Variants in FOXN2 observed in about 807,000 individuals in gnomAD.
FOXN2 encodes forkhead box protein N2.
FOXN2 carries 19 observed loss-of-function variants against 41.2 expected under a neutral mutation model. That is an observed-to-expected ratio of 0.46 (90% CI 0.32 to 0.68). FOXN2 has a LOEUF of 0.68. Among genes scored for constraint, FOXN2 ranks in the 30% least tolerant of loss-of-function variants. FOXN2 has a pLI of 0.03. For synonymous variants in FOXN2, 195 were observed against 176.8 expected, an observed-to-expected ratio of 1.10 and a Z score of -0.82; for missense variants, 587 against 509.4, an observed-to-expected ratio of 1.15 and a Z score of -1.47.
intron 1 of FOXN2, among the ~76,000 whole-genome samples, chr2:48,318,790 TC>T (rs907643828): frequency 6.6e-6 from 1 of 152,200 alleles, no homozygotes; most frequent in African/African-American, 2.4e-5. Flanking sequence ...GATTTAAGTA[TC>T]ACATAGGATG....
intron 6 of FOXN2, among the ~76,000 whole-genome samples, chr2:48,374,518 TC>T (rs1673105721): frequency 6.6e-6 from 1 of 152,170 alleles, no homozygotes; most frequent in African/African-American, 2.4e-5. Flanking sequence ...AGCAATTTTT[TC>T]ATATCTCTTT....
chr2:48,371,457 A>AT (rs1672890029), intron 5 of FOXN2, among the ~76,000 whole-genome samples: 1 of 151,168 alleles, frequency 6.6e-6, no homozygotes, highest in East Asian at 1.9e-4. Context: ...ATTCTGTTCC[A>AT]TTGGTCTATG....
intron 1 of FOXN2, among the ~76,000 whole-genome samples, chr2:48,322,793 G>GT (rs1669420072): frequency 6.7e-6 from 1 of 148,446 alleles, no homozygotes. Context: ...TCTGATATAG[G>GT]TATTTCTCAT....
At chr2:48,362,598 G>C (rs746223319) in intron 4 of FOXN2, 45 bp from the exon 5 acceptor site, 1 of 1,554,726 alleles carries the variant, frequency 6.4e-7, no homozygotes, top group South Asian at 1.1e-5. Flanking sequence ...AAAAAGTGAA[G>C]TAAACATTTT....
At chr2:48,334,360 C>G (rs1558617463) in intron 2 of FOXN2, among the ~76,000 whole-genome samples, 1 of 152,132 alleles carries the variant, frequency 6.6e-6, no homozygotes, top group Non-Finnish European at 1.5e-5. Context: ...AATGACAACT[C>G]TTGTTAGAAG....
At chr2:48,325,385 A>G (rs932837778) in intron 1 of FOXN2, among the ~76,000 whole-genome samples, 1 of 152,200 alleles carries the variant, frequency 6.6e-6, no homozygotes, top group Admixed American at 6.6e-5. Context: ...TAAATTTATG[A>G]AAGTACTAGC....
chr2:48,345,510 GAGAT>G (rs1671041568), intron 2 of FOXN2, among the ~76,000 whole-genome samples: 3 of 152,082 alleles, frequency 2.0e-5, no homozygotes, highest in Admixed American at 6.6e-5. Flanking sequence ...ACCACAAAGA[GAGAT>G]AGGTATATGA....
At chr2:48,353,098 G>T (rs1465836369) in intron 3 of FOXN2, among the ~76,000 whole-genome samples, 1 of 152,130 alleles carries the variant, frequency 6.6e-6, no homozygotes, top group Non-Finnish European at 1.5e-5. Context: ...GACTCTCTGA[G>T]CCTCATTTTT....
chr2:48,320,696 T>C (rs1012563408), intron 1 of FOXN2, among the ~76,000 whole-genome samples: 1 of 152,200 alleles, frequency 6.6e-6, no homozygotes, highest in African/African-American at 2.4e-5. Context: ...CTCTCAGACT[T>C]GAAAAAAATC....
intron 5 of FOXN2, among the ~76,000 whole-genome samples, chr2:48,369,338 GA>G (rs1187315939): frequency 2.0e-5 from 3 of 152,088 alleles, no homozygotes; most frequent in Admixed American, 6.6e-5. Flanking sequence ...AGGAGTTCAA[GA>G]CCAGCCTGAC....
At chr2:48,368,255 T>TAC (rs1388127566) in intron 5 of FOXN2, among the ~76,000 whole-genome samples, 3 of 152,154 alleles carry the variant, frequency 2.0e-5, no homozygotes, top group African/African-American at 7.2e-5. Context: ...ATACAGCTAA[T>TAC]AGTGTTATTG....
At chr2:48,365,521 C>T (rs754121698) in intron 5 of FOXN2, among the ~76,000 whole-genome samples, 29 of 152,160 alleles carry the variant, frequency 1.9e-4, no homozygotes, top group Non-Finnish European at 2.8e-4. Flanking sequence ...TCTGTTCTAT[C>T]CAAATTCTTT....
At chr2:48,368,697 A>T (rs1480788066) in intron 5 of FOXN2, among the ~76,000 whole-genome samples, 2 of 152,244 alleles carry the variant, frequency 1.3e-5, no homozygotes, top group Admixed American at 6.5e-5. Context: ...GTTGATAAAT[A>T]ACGAACGAAT....
intron 3 of FOXN2, among the ~76,000 whole-genome samples, chr2:48,347,533 T>TTG (rs113177559): frequency 0.044 from 6,460 of 148,070 alleles, 175 homozygotes; most frequent in East Asian, 0.07. Flanking sequence ...AGCCGAGGTG[T>TTG]TGTGTGTGTG....
intron 3 of FOXN2, 151 bp downstream of exon 3, chr2:48,346,902 A>T: frequency 1.6e-6 from 1 of 629,912 alleles, no homozygotes; most frequent in Non-Finnish European, 2.5e-6. Flanking sequence ...TTCACTTGAG[A>T]TGTTTTAAAA....
Position 48,376,084 on chromosome 2 carries a change from A to T in FOXN2, c.*641A>T, listed in dbSNP as rs1673231454. On this transcript the variant is annotated 3_prime_UTR_variant, in exon 7 of 7. Coordinates refer to ENST00000340553, the MANE Select transcript of FOXN2 (RefSeq NM_002158.4). ...AAAGACAATTTTGTGGTGTCATTTC[A>T]TCCAAGAACACTCCCAATTCCTATT... is the stretch of plus-strand genomic sequence containing the variant. The T allele has an allele frequency of 6.6e-6, 1 of 152,192 alleles. No homozygotes were observed. The highest frequency in any genetic ancestry group is 6.5e-5 in the Admixed American group (1 of 15,270). The allele number at this position is 152,192 out of a possible 1,614,324, so 9.4% of individuals were successfully genotyped here.
At position 48,374,990 on chromosome 2, in the gene FOXN2, C is replaced by G; in HGVS notation, c.843C>G (p.Pro281=). ...GTTACGGCAATGCATTTCATCATCC[C>G]AGTGCTGTACGATTACAAGAGAGTG... ...KRSYGNAFHH[P]SAVRLQESDS... is the part of the protein sequence containing the mutation. The change falls in exon 7 of 7, where the codon CCC becomes CCG. Residue 281 remains proline, a synonymous_variant. Coordinates refer to ENST00000340553, the MANE Select transcript of FOXN2 (RefSeq NM_002158.4). 6.2e-7 allele frequency: 1 copy of G among 1,613,924 alleles called. No individual in the cohort carries two copies. Among genetic ancestry groups the G allele is most frequent in the Non-Finnish European group, 8.5e-7 (1 of 1,179,946 alleles).
chr2:48,337,830 A>C (rs1670467047), intron 2 of FOXN2, among the ~76,000 whole-genome samples: 1 of 152,224 alleles, frequency 6.6e-6, no homozygotes, highest in Admixed American at 6.5e-5. Context: ...AAAATAAAGC[A>C]AAAAATTAAC....
At chr2:48,374,820 TA>T in intron 6 of FOXN2, 99 bp from the exon 7 acceptor site, 1 of 986,982 alleles carries the variant, frequency 1.0e-6, no homozygotes, top group Non-Finnish European at 1.5e-6. Flanking sequence ...ATCATGAATC[TA>T]AAACATTTGT....
Sources: allele counts gnomAD v4.1 joint callset (sites outside exome capture counted in the v4.1 genomes callset), GRCh38; gene constraint gnomAD v4.1.1; transcripts MANE v1.5; gene names NCBI Gene and HGNC (gene_info 2026-07-23, HGNC 2026-07-21).